The following TANC2 variants were observed in gnomAD, a reference collection of about 807,000 sequenced individuals.
The protein encoded by TANC2 is protein TANC2.
A neutral mutation model predicts 210.5 loss-of-function variants in TANC2; 26 were observed. That is an observed-to-expected ratio of 0.12 (90% CI 0.09 to 0.17). TANC2 has a LOEUF of 0.17. Among genes scored for constraint, TANC2 ranks in the 10% least tolerant of loss-of-function variants. The pLI, the probability that TANC2 is intolerant of heterozygous loss-of-function variation, is 1.00. For synonymous variants in TANC2, 931 were observed against 967.1 expected (o/e 0.96, Z 0.69); for missense variants, 2,129 against 2,608.9 (o/e 0.82, Z 4.01).
At chr17:63,299,073 T>C (rs2044626887) in intron 9 of TANC2, among the ~76,000 whole-genome samples, 1 of 152,138 alleles carries the variant, frequency 6.6e-6, no homozygotes, top group Non-Finnish European at 1.5e-5. Flanking sequence ...TCTTCCAGCT[T>C]CATCTGTGTC....
chr17:63,039,911 GTC>G (rs1418181565), intron 2 of TANC2, among the ~76,000 whole-genome samples: 2 of 152,006 alleles, frequency 1.3e-5, no homozygotes, highest in Non-Finnish European at 2.9e-5. Context: ...TAATGTGTGT[GTC>G]TATATAGATA....
intron 1 of TANC2, among the ~76,000 whole-genome samples, chr17:62,968,322 A>G (rs1006681723): frequency 6.6e-6 from 1 of 152,258 alleles, no homozygotes; most frequent in African/African-American, 2.4e-5. Flanking sequence ...ATTAAATTAC[A>G]TGTGTGAATG....
intron 10 of TANC2, among the ~76,000 whole-genome samples, chr17:63,314,922 G>T (rs1169922945): frequency 6.6e-6 from 1 of 152,192 alleles, no homozygotes. Context: ...CGTGCCGGCT[G>T]TGTGGTTGGA....
chr17:63,358,350 A>AGT (rs2046838569), intron 14 of TANC2, among the ~76,000 whole-genome samples: 1 of 141,492 alleles, frequency 7.1e-6, no homozygotes, highest in African/African-American at 2.9e-5. Context: ...AGGTGAGTAG[A>AGT]GTGAGAGAGA....
At chr17:63,382,979 A>G (rs1477934957) in intron 15 of TANC2, among the ~76,000 whole-genome samples, 11 of 152,340 alleles carry the variant, frequency 7.2e-5, no homozygotes. Flanking sequence ...AAATACACAC[A>G]CATTCCTGAG....
chr17:63,303,304 A>G (rs1014414391), intron 9 of TANC2, among the ~76,000 whole-genome samples: 1 of 152,198 alleles, frequency 6.6e-6, no homozygotes, highest in Non-Finnish European at 1.5e-5. Flanking sequence ...GGTGGTGACA[A>G]AATCCCTCAG....
At chr17:63,381,510 CAA>C (rs2047607544) in intron 15 of TANC2, 1 of 152,132 alleles carries the variant, frequency 6.6e-6, no homozygotes, top group Non-Finnish European at 1.5e-5. Flanking sequence ...GGGTCAAAGA[CAA>C]ATATAGACTT....
At chr17:63,413,687 A>C (rs2048775158) in intron 25 of TANC2, 53 bp downstream of exon 25, 13 of 1,455,972 alleles carry the variant, frequency 8.9e-6, no homozygotes, top group Non-Finnish European at 1.2e-5. Flanking sequence ...ACTGTTTTCC[A>C]TGTGTAGAAT....
chr17:63,287,051 A>G (rs1323222152), intron 9 of TANC2, among the ~76,000 whole-genome samples: 1 of 152,034 alleles, frequency 6.6e-6, no homozygotes, highest in Non-Finnish European at 1.5e-5. Context: ...CTCTTGCTTC[A>G]GCCTCCCGAG....
chr17:63,104,582 C>T (rs893789552), intron 4 of TANC2, among the ~76,000 whole-genome samples: 1 of 152,068 alleles, frequency 6.6e-6, no homozygotes, highest in Non-Finnish European at 1.5e-5. Context: ...TATGTGCGTA[C>T]TATATGTGAT....
chr17:62,971,130 C>T (rs114638284), intron 1 of TANC2, among the ~76,000 whole-genome samples: 1,612 of 151,734 alleles, frequency 0.011, 27 homozygotes, highest in African/African-American at 0.037. Context: ...TGAATAGCGT[C>T]TTTTGTAGTA....
intron 9 of TANC2, among the ~76,000 whole-genome samples, chr17:63,291,963 T>C (rs564307914): frequency 2.0e-5 from 3 of 152,342 alleles, no homozygotes; most frequent in Admixed American, 2.0e-4. Context: ...AAGTCCCAAG[T>C]TTCTATCTTG....
At chr17:63,315,542 A>G (rs2045287483) in intron 10 of TANC2, among the ~76,000 whole-genome samples, 1 of 152,222 alleles carries the variant, frequency 6.6e-6, no homozygotes, top group African/African-American at 2.4e-5. Flanking sequence ...TATACATACT[A>G]CATGTATAGA....
chr17:63,181,346 G>A (rs1380256190), intron 5 of TANC2, among the ~76,000 whole-genome samples: 1 of 152,144 alleles, frequency 6.6e-6, no homozygotes, highest in East Asian at 1.9e-4. Flanking sequence ...TTGGCCTAGT[G>A]GAAGGTAGAT....
At chr17:63,031,977 C>T (rs1055744430) in intron 2 of TANC2, among the ~76,000 whole-genome samples, 3 of 152,088 alleles carry the variant, frequency 2.0e-5, no homozygotes, top group African/African-American at 7.2e-5. Context: ...GTTTCAGGCA[C>T]AGAGTACAGC....
At chr17:63,099,104 A>G (rs2144899351) in intron 3 of TANC2, 71 bp from the exon 4 acceptor site, 1 of 1,411,902 alleles carries the variant, frequency 7.1e-7, no homozygotes, top group Non-Finnish European at 9.8e-7. Context: ...GGATTATCCT[A>G]TAAGATGTAT....
chr17:63,290,102 T>C (rs1279896252), intron 9 of TANC2, among the ~76,000 whole-genome samples: 1 of 152,166 alleles, frequency 6.6e-6, no homozygotes, highest in Admixed American at 6.5e-5. Context: ...GTTAAGAGCA[T>C]TGTGCTTTGG....
chr17:63,166,967 G>A (rs897189842), intron 5 of TANC2, among the ~76,000 whole-genome samples: 1 of 152,098 alleles, frequency 6.6e-6, no homozygotes, highest in Non-Finnish European at 1.5e-5. Flanking sequence ...CAGAAGCTTA[G>A]GTGAGTGGAG....
chr17:63,189,806 G>A (rs2041123038), intron 5 of TANC2, among the ~76,000 whole-genome samples: 1 of 152,080 alleles, frequency 6.6e-6, no homozygotes, highest in Non-Finnish European at 1.5e-5. Context: ...TGCTTTTAGT[G>A]TCATATCTAA....
Sources: gnomAD v4.1 joint callset for allele counts (sites outside exome capture counted in the v4.1 genomes callset) on GRCh38, gnomAD v4.1.1 for gene constraint, MANE v1.5 for transcripts, NCBI Gene and HGNC (gene_info 2026-07-23, HGNC 2026-07-21) for gene names.